Variants in HSD11B1 observed in about 807,000 individuals in gnomAD.
HSD11B1 encodes hydroxysteroid 11-beta dehydrogenase 1.
A neutral mutation model predicts 22.1 loss-of-function variants in HSD11B1; 15 were observed. That is an observed-to-expected ratio of 0.68 (90% CI 0.45 to 1.04). The LOEUF is 1.04. HSD11B1 is among the 50% of genes least tolerant of loss of function. The probability of loss-of-function intolerance (pLI) is 0.00; values close to 1 mark genes in which losing one functional copy is unlikely to be tolerated. For synonymous variants in HSD11B1, 122 were observed against 125.2 expected (o/e 0.97, Z 0.17); for missense variants, 281 against 357.6 (o/e 0.79, Z 1.73).
At chr1:209,731,745 C>G (rs2077037144) in intron 4 of HSD11B1, among the ~76,000 whole-genome samples, 1 of 152,118 alleles carries the variant, frequency 6.6e-6, no homozygotes, top group Non-Finnish European at 1.5e-5. Flanking sequence ...GATGGAGTCT[C>G]TCTCTGTCAC....
intron 5 of HSD11B1, among the ~76,000 whole-genome samples, chr1:209,733,628 A>G (rs1442636670): frequency 1.3e-5 from 2 of 152,212 alleles, no homozygotes; most frequent in Non-Finnish European, 2.9e-5. Flanking sequence ...TACGGCCTAC[A>G]ATTTTTACAA....
Position 209,720,784 on chromosome 1 carries a change from C to T in HSD11B1, c.518-11652C>T, listed in dbSNP as rs145446561. Among the ~76,000 whole-genome samples, 593 of 152,130 alleles carry T rather than the reference C, an allele frequency of 3.9e-3. 9 individuals are homozygous for T. Among genetic ancestry groups the T allele is most frequent in the African/African-American group, 0.014 (571 of 41,494 alleles). On this transcript the variant is annotated intron_variant, in intron 4 of 5. Coordinates refer to ENST00000367027, the MANE Select transcript of HSD11B1 (RefSeq NM_005525.4). The stretch of plus-strand genomic sequence containing the variant: ...TGAATAGGGTCTGTGGATTAGATAA[C>T]ATGGATATGTCAGTATTACTGTACT...
At chr1:209,718,250 C>A (rs1057499959) in intron 4 of HSD11B1, among the ~76,000 whole-genome samples, 15 of 152,268 alleles carry the variant, frequency 9.9e-5, no homozygotes, top group African/African-American at 3.6e-4. Context: ...ATGTTCTCAA[C>A]ACAGAAATAA....
chr1:209,689,057 G>T (rs2076744233), intron 1 of HSD11B1, among the ~76,000 whole-genome samples: 1 of 152,154 alleles, frequency 6.6e-6, no homozygotes. Flanking sequence ...ATTTTCTGGA[G>T]AAACTTAACA....
In HSD11B1 at chr1:209,721,144, G is replaced by T. The variant is rs2076963312; in HGVS notation, c.518-11292G>T. The stretch of plus-strand genomic sequence containing the variant: ...GAGTCTTTGGGGGGAATGCGGCCCT[G>T]CCAACACATTGATTTCAGACTTCTT... On this transcript the variant is annotated intron_variant, in intron 4 of 5. Coordinates refer to ENST00000367027, the MANE Select transcript of HSD11B1 (RefSeq NM_005525.4). 4.6e-5 allele frequency among the ~76,000 whole-genome samples: 7 copies of T among 152,290 alleles called. No homozygotes were observed. The South Asian group carries it at 1.2e-3, about 27-fold the overall frequency.
intron 1 of HSD11B1, among the ~76,000 whole-genome samples, chr1:209,691,745 T>C (rs1217327664): frequency 2.6e-5 from 4 of 152,220 alleles, no homozygotes; most frequent in Admixed American, 2.6e-4. Flanking sequence ...ATTAAAATTG[T>C]GTTATTATAA....
At chr1:209,697,795 C>T (rs142982035) in intron 1 of HSD11B1, among the ~76,000 whole-genome samples, 94 of 151,200 alleles carry the variant, frequency 6.2e-4, no homozygotes, top group African/African-American at 2.2e-3. Context: ...AGCCCACTGC[C>T]ACTTCTAAGC....
At chr1:209,714,324 T>C (rs1247499834) in intron 4 of HSD11B1, among the ~76,000 whole-genome samples, 1 of 152,258 alleles carries the variant, frequency 6.6e-6, no homozygotes, top group Non-Finnish European at 1.5e-5. Context: ...AATAGTAGTA[T>C]GTTTTACAAC....
At chr1:209,733,989 C>T (rs1229909393) in intron 5 of HSD11B1, among the ~76,000 whole-genome samples, 3 of 152,144 alleles carry the variant, frequency 2.0e-5, no homozygotes, top group African/African-American at 7.2e-5. Context: ...CATTCTGCTC[C>T]CCCATATTAC....
chr1:209,732,964 G>A (rs1251045518), intron 5 of HSD11B1, among the ~76,000 whole-genome samples: 1 of 152,142 alleles, frequency 6.6e-6, no homozygotes, highest in African/African-American at 2.4e-5. Context: ...ACAAACCAGT[G>A]CAGAAAGCAC....
chr1:209,711,960 T>C (rs2076898760), intron 4 of HSD11B1, among the ~76,000 whole-genome samples: 2 of 152,162 alleles, frequency 1.3e-5, no homozygotes, highest in African/African-American at 2.4e-5. Context: ...TCATGTTCTT[T>C]TCTGGAAAGG....
chr1:209,703,671 TA>T (rs1282445058), upstream of HSD11B1, among the ~76,000 whole-genome samples: 1 of 152,218 alleles, frequency 6.6e-6, no homozygotes, highest in Non-Finnish European at 1.5e-5. Context: ...AATCATAACT[TA>T]ATTTCCCTTA....
chr1:209,701,347 C>G (rs1334007947), upstream of HSD11B1, among the ~76,000 whole-genome samples: 2 of 152,098 alleles, frequency 1.3e-5, no homozygotes, highest in Non-Finnish European at 2.9e-5. Context: ...CCCTGATAAA[C>G]CCATCAGATC....
At chr1:209,731,972 G>T (rs148337399) in intron 4 of HSD11B1, among the ~76,000 whole-genome samples, 2,416 of 152,294 alleles carry the variant, frequency 0.016, 84 homozygotes, top group African/African-American at 0.055. Context: ...CTCCCAAAGT[G>T]CTGAGATTAT....
intron 1 of HSD11B1, among the ~76,000 whole-genome samples, chr1:209,693,451 G>T (rs141539363): frequency 1.5e-4 from 23 of 152,264 alleles, no homozygotes; most frequent in Non-Finnish European, 2.6e-4. Context: ...TCCAAAAAAT[G>T]CAAAGAAGGA....
intron 4 of HSD11B1, among the ~76,000 whole-genome samples, chr1:209,725,751 G>C (rs1490344354): frequency 6.6e-6 from 1 of 152,162 alleles, no homozygotes; most frequent in African/African-American, 2.4e-5. Context: ...GAACAGTTTA[G>C]CACAGTCCTC....
intron 1 of HSD11B1, among the ~76,000 whole-genome samples, chr1:209,698,086 T>C (rs1558187334): frequency 6.6e-6 from 1 of 151,476 alleles, no homozygotes; most frequent in Non-Finnish European, 1.5e-5. Flanking sequence ...TTCAATAGTT[T>C]AGGAATATTT....
At chr1:209,724,543 T>G (rs2076988193) in intron 4 of HSD11B1, among the ~76,000 whole-genome samples, 1 of 152,194 alleles carries the variant, frequency 6.6e-6, no homozygotes, top group African/African-American at 2.4e-5. Flanking sequence ...GAACCTCAGC[T>G]GAAATGAAAG....
intron 1 of HSD11B1, among the ~76,000 whole-genome samples, chr1:209,686,770 A>T (rs1486076518): frequency 6.6e-6 from 1 of 152,248 alleles, no homozygotes; most frequent in Non-Finnish European, 1.5e-5. Context: ...TGTTGCAGCC[A>T]AACATCAGCC....
Sources: allele counts gnomAD v4.1 joint callset (sites outside exome capture counted in the v4.1 genomes callset), GRCh38; gene constraint gnomAD v4.1.1; transcripts MANE v1.5; gene names NCBI Gene and HGNC (gene_info 2026-07-23, HGNC 2026-07-21).